Variants in NKAIN3 observed in about 807,000 individuals in gnomAD.
NKAIN3 encodes the protein sodium/potassium-transporting ATPase subunit beta-1-interacting protein 3.
NKAIN3 carries 25 observed loss-of-function variants against 30.2 expected under a neutral mutation model. The observed-to-expected ratio is 0.83, with a 90% CI of 0.60 to 1.16. The LOEUF is 1.16. Among genes scored for constraint, NKAIN3 ranks in the 50% most tolerant of loss-of-function variants. The probability of loss-of-function intolerance (pLI) is 0.00; values close to 1 mark genes in which losing one functional copy is unlikely to be tolerated. For synonymous variants in NKAIN3, 91 were observed against 89.6 expected (o/e 1.02, Z -0.09); for missense variants, 225 against 254.1 (o/e 0.89, Z 0.78).
chr8:62,295,813 G>A (rs76714159), intron 1 of NKAIN3, among the ~76,000 whole-genome samples: 4,130 of 151,986 alleles, frequency 0.027, 172 homozygotes, highest in African/African-American at 0.092. Flanking sequence ...GTTTGTTTGT[G>A]TATTCAAGAA....
At chr8:62,740,182 C>T (rs1032000273) in intron 3 of NKAIN3, among the ~76,000 whole-genome samples, 1 of 152,044 alleles carries the variant, frequency 6.6e-6, no homozygotes, top group Non-Finnish European at 1.5e-5. Flanking sequence ...AAAAATAAGA[C>T]ATTTGCCCTA....
chr8:62,829,235 A>C (rs372359532), intron 4 of NKAIN3, among the ~76,000 whole-genome samples: 1 of 152,210 alleles, frequency 6.6e-6, no homozygotes, highest in East Asian at 1.9e-4. Flanking sequence ...AATAAGAATG[A>C]TCTGAAGTGT....
intron 4 of NKAIN3, among the ~76,000 whole-genome samples, chr8:62,762,214 G>A (rs995458975): frequency 1.3e-5 from 2 of 152,074 alleles, no homozygotes; most frequent in Non-Finnish European, 2.9e-5. Context: ...TACCTGGGAG[G>A]CTGAGGCAGA....
At chr8:62,473,910 G>A (rs560515949) in intron 1 of NKAIN3, 1 of 152,212 alleles carries the variant, frequency 6.6e-6, no homozygotes, top group East Asian at 1.9e-4. Context: ...TCTATTTTGT[G>A]CAATATTTAG....
chr8:62,738,497 G>A (rs1211068833), intron 3 of NKAIN3, among the ~76,000 whole-genome samples: 1 of 150,666 alleles, frequency 6.6e-6, no homozygotes, highest in Non-Finnish European at 1.5e-5. Flanking sequence ...TACTCGGGAG[G>A]CAGAGACAGG....
Position 62,464,942 on chromosome 8 carries a change from G to A in NKAIN3, c.55-114597G>A, listed in dbSNP as rs552369635. On this transcript the variant is annotated intron_variant, in intron 1 of 6. Transcript: ENST00000623646. ...TTATTTATAGGTGAAGATAGAATTG[G>A]CATTTCAATGTACTGAGCTTAGCAT... is the stretch of plus-strand genomic sequence containing the variant. Among the ~76,000 whole-genome samples, 79 of 152,192 alleles carry A rather than the reference G, an allele frequency of 5.2e-4. 1 individual carries two copies. The South Asian group carries it at 0.016, about 31-fold the overall frequency.
chr8:62,954,455 G>A (rs929527142), intron 6 of NKAIN3, among the ~76,000 whole-genome samples: 3 of 152,122 alleles, frequency 2.0e-5, no homozygotes, highest in South Asian at 2.1e-4. Context: ...TATATGTAAA[G>A]CTGCCTATTA....
chr8:62,268,421 C>G (rs1046023692), intron 1 of NKAIN3, among the ~76,000 whole-genome samples: 10 of 152,164 alleles, frequency 6.6e-5, no homozygotes, highest in African/African-American at 2.4e-4. Context: ...CCAGTGTGAT[C>G]TATCCTCTGG....
At chr8:62,894,333 G>A (rs573759035) in intron 4 of NKAIN3, among the ~76,000 whole-genome samples, 1 of 152,200 alleles carries the variant, frequency 6.6e-6, no homozygotes, top group South Asian at 2.1e-4. Context: ...AAATATCACT[G>A]AAAGGATTTG....
At chr8:62,459,571 C>G (rs1164550621) in intron 1 of NKAIN3, among the ~76,000 whole-genome samples, 1 of 152,032 alleles carries the variant, frequency 6.6e-6, no homozygotes, top group Non-Finnish European at 1.5e-5. Flanking sequence ...TATGTAATGT[C>G]AAGGGATGAT....
chr8:62,248,922 G>A lies in NKAIN3; in HGVS notation c.-152G>A. The A allele has an allele frequency of 1.6e-6, 1 of 618,758 alleles. No individual in the cohort carries two copies. Among genetic ancestry groups the A allele is most frequent in the South Asian group, 2.2e-5 (1 of 45,812 alleles). The allele number at this position is 618,758 out of a possible 1,614,324, so 38.3% of individuals were successfully genotyped here. A position where few individuals can be genotyped will look rare whatever the true frequency, so the allele number is the denominator to read the frequency against. On this transcript the variant is annotated 5_prime_UTR_variant, in exon 1 of 7. Transcript: ENST00000623646. Reference sequence around the variant, plus strand: ...CCCGCCGGGAAACTAACAAAGGCGGGCGCGAGCCCCGAGCCCTGGAGCCGC... The same window carrying A: ...CCCGCCGGGAAACTAACAAAGGCGGACGCGAGCCCCGAGCCCTGGAGCCGC...
At chr8:62,855,537 TA>T in intron 4 of NKAIN3, 2 of 1,497,884 alleles carry the variant, frequency 1.3e-6, no homozygotes, top group Non-Finnish European at 1.9e-6. Context: ...ACAAGCTCCT[TA>T]AACTCAACCA....
At chr8:62,694,191 T>C (rs867677774) in intron 3 of NKAIN3, among the ~76,000 whole-genome samples, 3 of 152,176 alleles carry the variant, frequency 2.0e-5, no homozygotes, top group Admixed American at 2.0e-4. Flanking sequence ...TTCTATCTAG[T>C]GGTGTTTTGG....
intron 1 of NKAIN3, among the ~76,000 whole-genome samples, chr8:62,477,464 G>T (rs1806557939): frequency 6.6e-6 from 1 of 152,112 alleles, no homozygotes; most frequent in Non-Finnish European, 1.5e-5. Context: ...TTGACTTCGT[G>T]GCTCTCCGAA....
intron 1 of NKAIN3, among the ~76,000 whole-genome samples, chr8:62,385,721 A>G (rs1176495864): frequency 6.6e-6 from 1 of 152,166 alleles, no homozygotes; most frequent in Non-Finnish European, 1.5e-5. Flanking sequence ...ACTCCTTGGA[A>G]CTACTGATGT....
intron 3 of NKAIN3, among the ~76,000 whole-genome samples, chr8:62,635,685 G>T (rs1812104031): frequency 6.6e-6 from 1 of 152,106 alleles, no homozygotes; most frequent in Admixed American, 6.6e-5. Context: ...AGAAGGTGCT[G>T]TCTATGAACC....
chr8:62,935,151 A>G (rs1376567487), intron 5 of NKAIN3, among the ~76,000 whole-genome samples: 1 of 152,198 alleles, frequency 6.6e-6, no homozygotes, highest in Non-Finnish European at 1.5e-5. Flanking sequence ...TTCATTTTAA[A>G]TATGAAGAAA....
At chr8:62,415,420 A>G (rs949359820) in intron 1 of NKAIN3, among the ~76,000 whole-genome samples, 32 of 150,060 alleles carry the variant, frequency 2.1e-4, no homozygotes, top group Non-Finnish European at 4.1e-4. Flanking sequence ...CTTCATTATT[A>G]GCATCATCAT....
chr8:62,855,660 G>A, intron 4 of NKAIN3: 1 of 1,604,206 alleles, frequency 6.2e-7, no homozygotes, highest in Non-Finnish European at 8.5e-7. Context: ...CTGAAGTGCT[G>A]CTGCAGCCCA....
Sources: gnomAD v4.1 joint callset for allele counts (sites outside exome capture counted in the v4.1 genomes callset) on GRCh38, gnomAD v4.1.1 for gene constraint, MANE v1.5 for transcripts, NCBI Gene and HGNC (gene_info 2026-07-23, HGNC 2026-07-21) for gene names.